Variants in LIMCH1 observed in about 807,000 individuals in gnomAD.
LIMCH1 encodes LIM and calponin homology domains-containing protein 1.
LIMCH1 carries 113 observed loss-of-function variants against 176.5 expected under a neutral mutation model. That is an observed-to-expected ratio of 0.64 (90% confidence interval 0.55 to 0.75). LIMCH1 has a LOEUF of 0.75. Ranked by LOEUF, LIMCH1 falls within the 30% of genes least tolerant of loss-of-function variation. The probability of loss-of-function intolerance (pLI) is 0.00; values close to 1 mark genes in which losing one functional copy is unlikely to be tolerated. For missense variants in LIMCH1, 1,674 were observed against 1,814.9 expected (o/e 0.92, Z 1.41); for synonymous variants, 619 against 645.9 (o/e 0.96, Z 0.63).
chr4:41,441,581 G>A (rs1015740592), intron 1 of LIMCH1, among the ~76,000 whole-genome samples: 1 of 151,956 alleles, frequency 6.6e-6, no homozygotes, highest in African/African-American at 2.4e-5. Context: ...AATATGCATG[G>A]GATTTGGAAA....
chr4:41,421,912 G>C (rs554677136), intron 1 of LIMCH1, among the ~76,000 whole-genome samples: 2 of 152,062 alleles, frequency 1.3e-5, no homozygotes, highest in Non-Finnish European at 2.9e-5. Flanking sequence ...GTGAAACCTC[G>C]TCTCTACTAA....
chr4:41,641,629 A>T (rs1465330508), intron 14 of LIMCH1, among the ~76,000 whole-genome samples: 2 of 152,228 alleles, frequency 1.3e-5, no homozygotes, highest in African/African-American at 4.8e-5. Context: ...CATGAAATTC[A>T]TTTATGTTCC....
Position 41,633,153 on chromosome 4 carries a change from A to C in LIMCH1, c.1829+68A>C, listed in dbSNP as rs960993268. Reference sequence around the variant, plus strand: ...TGCTGTGTGTGGCTGTCGTGTTCCCAAAAAAACAGCTTAAAGTCACAGTCT... The same window carrying C: ...TGCTGTGTGTGGCTGTCGTGTTCCCCAAAAAACAGCTTAAAGTCACAGTCT... On this transcript the variant is annotated intron_variant, in intron 12 of 31. Coordinates refer to ENST00000503057, the MANE Select transcript of LIMCH1 (RefSeq NM_001330672.2). 7.1e-6 allele frequency: 8 copies of C among 1,133,928 alleles called. No individual in the cohort carries two copies. The African/African-American group carries it at 7.8e-5, about 11-fold the overall frequency. 70.2% of individuals were successfully genotyped at this position (1,133,928 alleles called of 1,614,324 possible). A position where few individuals can be genotyped will look rare whatever the true frequency, so the allele number is the denominator to read the frequency against.
intron 6 of LIMCH1, 89 bp downstream of exon 6, chr4:41,619,529 C>T: frequency 2.6e-6 from 4 of 1,515,120 alleles, no homozygotes; most frequent in Non-Finnish European, 3.6e-6. Flanking sequence ...GGTTAAATGA[C>T]CAATTCAGAA....
At position 41,666,544 on chromosome 4, in the gene LIMCH1, T is replaced by G. The variant is rs1442296379; in HGVS notation, c.3292-17T>G. 1.9e-6 allele frequency: 3 copies of G among 1,540,632 alleles called. No homozygotes were observed. The East Asian group carries it at 6.7e-5, about 35-fold the overall frequency. The stretch of plus-strand genomic sequence containing the variant: ...GGACAGTTCTTGCAATATTTATACC[T>G]GTTTTCCATTGTCCAGGTGGTAAAG... On this transcript the variant is annotated splice_polypyrimidine_tract_variant and intron_variant, in intron 20 of 31. Transcript: ENST00000503057.
chr4:41,660,344 C>G (rs2094578445), intron 18 of LIMCH1, among the ~76,000 whole-genome samples: 1 of 151,990 alleles, frequency 6.6e-6, no homozygotes, highest in South Asian at 2.1e-4. Flanking sequence ...AATTGAAGTA[C>G]TACTGAGAGA....
chr4:41,506,399 G>T (rs2074164476), intron 2 of LIMCH1, among the ~76,000 whole-genome samples: 1 of 152,178 alleles, frequency 6.6e-6, no homozygotes, highest in Non-Finnish European at 1.5e-5. Flanking sequence ...AACTTTGTGT[G>T]GAGACATTTT....
chr4:41,539,344 G>A (rs1054853137), intron 1 of LIMCH1, among the ~76,000 whole-genome samples: 3 of 152,088 alleles, frequency 2.0e-5, no homozygotes, highest in Admixed American at 6.5e-5. Flanking sequence ...CCTGTGCTGC[G>A]CGGGTGGGTT....
At chr4:41,362,315 C>G (rs73232182) in intron 1 of LIMCH1, among the ~76,000 whole-genome samples, 16,004 of 152,230 alleles carry the variant, frequency 0.11, 1,283 homozygotes, top group East Asian at 0.35. Flanking sequence ...GATAACTCAC[C>G]ATCAGATGAG....
intron 1 of LIMCH1, among the ~76,000 whole-genome samples, chr4:41,552,886 T>C (rs1361535730): frequency 6.6e-6 from 1 of 152,170 alleles, no homozygotes; most frequent in Non-Finnish European, 1.5e-5. Context: ...ATGGAAGTAA[T>C]ATATATAGTT....
intron 2 of LIMCH1, among the ~76,000 whole-genome samples, chr4:41,502,959 T>A (rs555059057): frequency 8.4e-4 from 127 of 151,900 alleles, no homozygotes; most frequent in African/African-American, 2.1e-3. Context: ...GACATAACTA[T>A]ATAACCATGC....
intron 9 of LIMCH1, 83 bp from the exon 10 acceptor site, chr4:41,631,065 G>GT (rs113754792): frequency 0.15 from 135,326 of 897,330 alleles, 427 homozygotes; most frequent in East Asian, 0.25. Context: ...ACTACTTCTA[G>GT]TTTTTTTTTT....
At chr4:41,507,051 C>T (rs2154182103) in intron 2 of LIMCH1, among the ~76,000 whole-genome samples, 1 of 152,244 alleles carries the variant, frequency 6.6e-6, no homozygotes, top group African/African-American at 2.4e-5. Flanking sequence ...ATCAGAATGG[C>T]TCACAGAACT....
intron 2 of LIMCH1, among the ~76,000 whole-genome samples, chr4:41,520,195 G>A (rs1393433783): frequency 3.3e-5 from 5 of 152,044 alleles, no homozygotes; most frequent in Non-Finnish European, 7.4e-5. Context: ...TCTTACCTGG[G>A]CCTGGATTTT....
chr4:41,687,953 T>C (rs1462526402), intron 29 of LIMCH1, 36 bp downstream of exon 29: 2 of 1,531,382 alleles, frequency 1.3e-6, no homozygotes, highest in Non-Finnish European at 1.8e-6. Flanking sequence ...GAGGCTGCTT[T>C]GTTATGACTA....
intron 1 of LIMCH1, among the ~76,000 whole-genome samples, chr4:41,388,636 C>T (rs2056811393): frequency 6.9e-6 from 1 of 144,444 alleles, no homozygotes; most frequent in South Asian, 2.2e-4. Flanking sequence ...GCAGGCTATG[C>T]ATCCATTAAG....
chr4:41,682,262 C>A, intron 25 of LIMCH1, 71 bp from the exon 26 acceptor site: 2 of 1,144,602 alleles, frequency 1.7e-6, no homozygotes, highest in South Asian at 2.0e-5. Flanking sequence ...TCAAATATCC[C>A]TGGCCAGAGA....
chr4:41,559,355 G>C (rs2081749121), intron 1 of LIMCH1, among the ~76,000 whole-genome samples: 1 of 151,936 alleles, frequency 6.6e-6, no homozygotes, highest in Non-Finnish European at 1.5e-5. Context: ...TCCCTGTCTT[G>C]ATCCTACTTC....
At position 41,629,472 on chromosome 4, in the gene LIMCH1, G is replaced by T; in HGVS notation, c.1029-20G>T. The T allele has an allele frequency of 1.3e-6, 2 of 1,535,142 alleles. No homozygotes were observed. Among genetic ancestry groups the T allele is most frequent in the South Asian group, 2.4e-5 (2 of 83,890 alleles). The stretch of plus-strand genomic sequence containing the variant: ...AACTTGATTTTTCCATTGGTGTGGG[G>T]GCCCGGATCAAATGGACAGAAACCA... On this transcript the variant is annotated intron_variant, in intron 8 of 31. Transcript: ENST00000503057.
Sources: allele counts gnomAD v4.1 joint callset (sites outside exome capture counted in the v4.1 genomes callset), GRCh38; gene constraint gnomAD v4.1.1; transcripts MANE v1.5; gene names NCBI Gene and HGNC (gene_info 2026-07-23, HGNC 2026-07-21).